The following RNPC3 variants were observed in gnomAD, a reference collection of about 807,000 sequenced individuals.
RNPC3 encodes RNA binding region (RNP1, RRM) containing 3.
Under a neutral mutation model 67.5 loss-of-function variants are expected in RNPC3, and 48 were observed. That is an observed-to-expected ratio of 0.71 (90% CI 0.56 to 0.90). The LOEUF is 0.90. Ranked by LOEUF, RNPC3 falls within the 40% of genes least tolerant of loss-of-function variation. The probability of loss-of-function intolerance (pLI) is 0.00; values close to 1 mark genes in which losing one functional copy is unlikely to be tolerated. For missense variants in RNPC3, 637 were observed against 626.1 expected (o/e 1.02, Z -0.19); for synonymous variants, 239 against 210.3 (o/e 1.14, Z -1.18).
intron 8 of RNPC3, 40 bp downstream of exon 8, chr1:103,541,515 G>T: frequency 6.9e-7 from 1 of 1,456,958 alleles, no homozygotes; most frequent in Non-Finnish European, 9.0e-7. Context: ...TTGTCTGTAT[G>T]TACTTTGTTT....
At chr1:103,527,989 T>C (rs1650758501) in intron 2 of RNPC3, among the ~76,000 whole-genome samples, 1 of 152,226 alleles carries the variant, frequency 6.6e-6, no homozygotes, top group South Asian at 2.1e-4. Context: ...TTGATAAATA[T>C]CTCTGTGACT....
Position 103,526,038 on chromosome 1 carries a change from C to T in RNPC3, c.-33C>T, listed in dbSNP as rs775237033. ...GCCGCGATTTTGACTGAGACTTCTTCCCACGATTTCTGTTTTTGCTTCTCC... is the reference window on the plus strand; with the variant it reads ...GCCGCGATTTTGACTGAGACTTCTTTCCACGATTTCTGTTTTTGCTTCTCC... On this transcript the variant is annotated 5_prime_UTR_variant, in exon 1 of 15. Coordinates refer to ENST00000423855, the MANE Select transcript of RNPC3 (RefSeq NM_017619.4). 20 of 1,478,940 alleles carry T rather than the reference C, an allele frequency of 1.4e-5. No homozygotes were observed. The South Asian group carries it at 1.4e-4, about 10-fold the overall frequency. 91.6% of individuals were successfully genotyped at this position (1,478,940 alleles called of 1,614,324 possible). A position where few individuals can be genotyped will look rare whatever the true frequency, so the allele number is the denominator to read the frequency against.
chr1:103,537,679 G>A (rs1388721067), intron 7 of RNPC3, among the ~76,000 whole-genome samples, 195 bp downstream of exon 7: 3 of 152,016 alleles, frequency 2.0e-5, no homozygotes, highest in Non-Finnish European at 4.4e-5. Flanking sequence ...AGACCTAAGT[G>A]AAAATTTTTG....
chr1:103,551,125 A>C, intron 13 of RNPC3, 52 bp downstream of exon 13: 1 of 1,426,020 alleles, frequency 7.0e-7, no homozygotes, highest in Non-Finnish European at 9.4e-7. Flanking sequence ...AGAAGGATAT[A>C]ACTGAAATTA....
intron 14 of RNPC3, 68 bp downstream of exon 14, chr1:103,551,860 T>A: frequency 1.1e-6 from 1 of 879,870 alleles, no homozygotes; most frequent in Non-Finnish European, 1.7e-6. Flanking sequence ...AATAAAAGTT[T>A]GACAAGGTAG....
At chr1:103,536,572 T>C (rs1396098436) in intron 6 of RNPC3, among the ~76,000 whole-genome samples, 1 of 152,208 alleles carries the variant, frequency 6.6e-6, no homozygotes, top group East Asian at 1.9e-4. Context: ...TAGACTTGAC[T>C]ATGCAAATCT....
intron 12 of RNPC3, among the ~76,000 whole-genome samples, chr1:103,548,887 C>T (rs530601466): frequency 3.3e-5 from 5 of 152,204 alleles, no homozygotes; most frequent in East Asian, 1.9e-4. Context: ...ACAATCGTGG[C>T]GGAGGGCAAG....
intron 8 of RNPC3, 100 bp from the exon 9 acceptor site, chr1:103,543,196 A>G: frequency 2.4e-6 from 2 of 818,236 alleles, no homozygotes; most frequent in East Asian, 3.2e-5. Context: ...TGAGTCCTTT[A>G]TCAGTGTTAA....
In RNPC3 at chr1:103,540,829, C is replaced by T. The variant is rs145476921; in HGVS notation, c.768-521C>T. On this transcript the variant is annotated intron_variant, in intron 7 of 14. Coordinates refer to ENST00000423855, the MANE Select transcript of RNPC3 (RefSeq NM_017619.4). ...CAGGTGTTGTCACTTCCTGAAACTA[C>T]TTCAGAGCATAGTACAGTATTTGAA... Among the ~76,000 whole-genome samples, 545 of 152,268 alleles carry T rather than the reference C, an allele frequency of 3.6e-3. 5 individuals carry two copies. Among genetic ancestry groups the T allele is most frequent in the African/African-American group, 0.012 (498 of 41,546 alleles).
At chr1:103,535,838 A>G (rs998831306) in intron 5 of RNPC3, among the ~76,000 whole-genome samples, 1 of 152,064 alleles carries the variant, frequency 6.6e-6, no homozygotes, top group Non-Finnish European at 1.5e-5. Flanking sequence ...TAATTTTACA[A>G]TAATTGGGTT....
Position 103,546,317 on chromosome 1 carries a change from A to G in RNPC3, c.1277A>G (p.Asn426Ser). 1 of 1,464,898 alleles carries G rather than the reference A, an allele frequency of 6.8e-7. No homozygotes were observed. The highest frequency in any genetic ancestry group is 9.0e-7 in the Non-Finnish European group (1 of 1,109,514). 90.7% of individuals were successfully genotyped at this position (1,464,898 alleles called of 1,614,324 possible). A position where few individuals can be genotyped will look rare whatever the true frequency, so the allele number is the denominator to read the frequency against. Reference sequence around the variant, plus strand: ...CCAAACTGTAGAATTTATGTAAAGAATTTAGCTAAACATGTTCAAGAAAAG... The same window carrying G: ...CCAAACTGTAGAATTTATGTAAAGAGTTTAGCTAAACATGTTCAAGAAAAG... Reference protein sequence around the residue: ...GEPNCRIYVKNLAKHVQEKDL... With the variant: ...GEPNCRIYVKSLAKHVQEKDL... The change falls in exon 11 of 15, where the codon AAT becomes AGT. Residue 426 changes from asparagine (N) to serine (S), a missense_variant. Transcript: ENST00000423855.
At chr1:103,548,667 C>T (rs1006471303) in intron 12 of RNPC3, among the ~76,000 whole-genome samples, 19 of 151,838 alleles carry the variant, frequency 1.3e-4, no homozygotes, top group Non-Finnish European at 1.9e-4. Context: ...CTGAGCCCTC[C>T]AAACTGTTCC....
Position 103,533,822 on chromosome 1 carries a change from C to G in RNPC3, c.324C>G (p.Ser108=). 6.5e-7 allele frequency: 1 copy of G among 1,530,206 alleles called. No individual in the cohort carries two copies. Among genetic ancestry groups the G allele is most frequent in the South Asian group, 1.2e-5 (1 of 83,418 alleles). 94.8% of individuals were successfully genotyped at this position (1,530,206 alleles called of 1,614,324 possible). A position where few individuals can be genotyped will look rare whatever the true frequency, so the allele number is the denominator to read the frequency against. The part of the protein sequence containing the change: ...EFAKEQDRVH[S]PCPTSGSEKK... ...CAAAAGAGCAAGATCGAGTTCACTC[C>G]CCATGTCCCACTTCAGGCTCTGAAA... Residue 108 remains serine (S), a synonymous_variant, in exon 3 of 15, where the codon TCC becomes TCG. Coordinates refer to ENST00000423855, the MANE Select transcript of RNPC3 (RefSeq NM_017619.4).
chr1:103,545,208 CTTTAAAACA>C, intron 10 of RNPC3, 106 bp downstream of exon 10: 1 of 830,862 alleles, frequency 1.2e-6, no homozygotes, highest in Non-Finnish European at 1.8e-6. Context: ...AAGGCACATA[CTTTAAAACA>C]TCTCTCCAAT....
intron 7 of RNPC3, among the ~76,000 whole-genome samples, chr1:103,538,556 C>T (rs573572497): frequency 6.6e-6 from 1 of 152,256 alleles, no homozygotes; most frequent in Admixed American, 6.5e-5. Flanking sequence ...ACATATCAAA[C>T]AAGGTAATGT....
Position 103,526,189 on chromosome 1 carries a change from C to T in RNPC3, c.119C>T (p.Ala40Val). The T allele has an allele frequency of 6.4e-7, 1 of 1,551,496 alleles. No homozygotes were observed. Among genetic ancestry groups the T allele is most frequent in the Non-Finnish European group, 8.7e-7 (1 of 1,146,906 alleles). ...LVRHLPAELT[A>V]EEKEDLLKYF... Reference sequence around the variant, plus strand: ...AGGCACCTGCCGGCTGAGCTTACTGCTGAGGAGAAAGAGGACTTGCTGAAG... The same window carrying T: ...AGGCACCTGCCGGCTGAGCTTACTGTTGAGGAGAAAGAGGACTTGCTGAAG... Residue 40 changes from alanine to valine, a missense_variant, in exon 1 of 15, where the codon GCT becomes GTT. Ala to Val is a moderately conservative substitution (Grantham distance 64, BLOSUM62 0). Transcript: ENST00000423855.
At chr1:103,527,781 T>A (rs1456955144) in intron 2 of RNPC3, 39 bp downstream of exon 2, 1 of 1,399,376 alleles carries the variant, frequency 7.1e-7, no homozygotes. Context: ...GTCAACAGGA[T>A]CCTCTTATAC....
In RNPC3 at chr1:103,546,405, T is replaced by G. The variant is rs1651245343; in HGVS notation, c.1302+63T>G. 3.8e-6 allele frequency: 3 copies of G among 779,856 alleles called. No homozygotes were observed. In the East Asian group the frequency reaches 9.4e-5, roughly 24 times the overall value. 48.3% of individuals were successfully genotyped at this position (779,856 alleles called of 1,614,324 possible). ...TAATTTGAAGGTTTTATAGTTGATG[T>G]GTTAAAGTCTGTTTGAAACTACCTT... is the stretch of plus-strand genomic sequence containing the variant. On this transcript the variant is annotated intron_variant, in intron 11 of 14. Coordinates refer to ENST00000423855, the MANE Select transcript of RNPC3 (RefSeq NM_017619.4).
Position 103,550,966 on chromosome 1 carries a change from G to A in RNPC3, c.1387G>A (p.Gly463Ser), listed in dbSNP as rs1651373234. Residue 463 changes from glycine to serine, a missense_variant, in exon 13 of 15, where the codon GGT becomes AGT. Around this residue, in one of 3 missense-constraint regions of RNPC3, gnomAD observed 96 missense variants for 105.8 expected, o/e 0.91. Transcript: ENST00000423855. ...IMFDIRLMKE[G>S]RMKGQAFIGL... is the part of the protein sequence containing the mutation. The stretch of plus-strand genomic sequence containing the variant: ...GTTTGATATACGTTTGATGAAAGAA[G>A]GTCGTATGAAAGGACAAGCTTTCAT... 1.9e-6 allele frequency: 3 copies of A among 1,611,348 alleles called. No homozygotes were observed. The highest frequency in any genetic ancestry group is 4.5e-5 in the East Asian group (2 of 44,792).
Sources: gnomAD v4.1 joint callset for allele counts (sites outside exome capture counted in the v4.1 genomes callset) on GRCh38, gnomAD v4.1.1 for gene constraint, gnomAD v4.1.1 regional missense constraint, MANE v1.5 for transcripts, NCBI Gene and HGNC (gene_info 2026-07-23, HGNC 2026-07-21) for gene names.